ZNF34: variants seen among roughly 807,000 people sequenced by gnomAD.
ZNF34 encodes the protein zinc finger protein 34.
In ZNF34, 8 loss-of-function variants were observed where a neutral mutation model predicts 14.4. The observed-to-expected ratio is 0.55, with a 90% CI of 0.33 to 1.00. The LOEUF (loss-of-function observed/expected upper bound fraction) is 1.00. Among genes scored for constraint, ZNF34 ranks in the 50% least tolerant of loss-of-function variants. The pLI is 0.03. For missense variants in ZNF34, 538 were observed against 674.2 expected (o/e 0.80, Z 2.24); for synonymous variants, 235 against 247.9 (o/e 0.95, Z 0.49).
chr8:144,780,305 C>G (rs939147249), intron 1 of ZNF34, 25 bp from the exon 2 acceptor site: 2 of 1,529,204 alleles, frequency 1.3e-6, no homozygotes, highest in African/African-American at 2.8e-5. Flanking sequence ...CACAGAAAGG[C>G]TAAGTATTAG....
At chr8:144,775,096 A>G (rs1386235282) in intron 5 of ZNF34, among the ~76,000 whole-genome samples, 2 of 152,380 alleles carry the variant, frequency 1.3e-5, no homozygotes, top group Admixed American at 1.3e-4. Flanking sequence ...CACTCAGCCC[A>G]GTGCCCAGCA....
chr8:144,781,736 ATTG>A (rs1243749473), intron 1 of ZNF34, among the ~76,000 whole-genome samples: 1 of 152,200 alleles, frequency 6.6e-6, no homozygotes, highest in Non-Finnish European at 1.5e-5. Context: ...TTCTATCCAT[ATTG>A]TTGTTATATT....
intron 1 of ZNF34, among the ~76,000 whole-genome samples, chr8:144,781,327 G>T: frequency 6.7e-6 from 1 of 149,786 alleles, no homozygotes; most frequent in African/African-American, 2.5e-5. Context: ...AGAGTACAGT[G>T]GCGCGATCTT....
chr8:144,773,182 T>G lies in ZNF34; in HGVS notation c.*84A>C. On this transcript the variant is annotated 3_prime_UTR_variant, in exon 6 of 6. Coordinates refer to ENST00000429371, the MANE Select transcript of ZNF34 (RefSeq NM_001286769.2). This position sits in a 1 kb window ranked among gnomAD's most constrained non-coding sequence, Gnocchi z 5.4. ...TCACTCTGTGAAAACATCGTGTGGA[T>G]AATACATAAAGGGCAGAGTCAGGTG... 7.2e-7 allele frequency: 1 copy of G among 1,392,634 alleles called. No individual in the cohort carries two copies. Among genetic ancestry groups the G allele is most frequent in the Non-Finnish European group, 9.6e-7 (1 of 1,041,724 alleles). 86.3% of individuals were successfully genotyped at this position (1,392,634 alleles called of 1,614,324 possible). A position where few individuals can be genotyped will look rare whatever the true frequency, so the allele number is the denominator to read the frequency against.
In ZNF34 at chr8:144,780,239, A is replaced by T. The variant is rs371410019; in HGVS notation, c.-66T>A. 6.5e-7 allele frequency: 1 copy of T among 1,549,980 alleles called. No individual in the cohort carries two copies. Among genetic ancestry groups the T allele is most frequent in the African/African-American group, 1.4e-5 (1 of 73,012 alleles). ...TAAGATTGACTCACCTACCAGAAGC[A>T]TGAGACTCTCGGATTAGATACATGT... On this transcript the variant is annotated 5_prime_UTR_variant, in exon 2 of 6. An upstream start codon of the reference 5' UTR is lost. Transcript: ENST00000429371.
chr8:144,775,110 T>C (rs1307045532), intron 5 of ZNF34, among the ~76,000 whole-genome samples: 1 of 152,240 alleles, frequency 6.6e-6, no homozygotes, highest in Non-Finnish European at 1.5e-5. Context: ...CCCAGCACAG[T>C]GAGTTCCAGG....
At chr8:144,780,077 G>T in intron 2 of ZNF34, 151 bp downstream of exon 2, 1 of 549,662 alleles carries the variant, frequency 1.8e-6, no homozygotes. Flanking sequence ...CACACCTGTA[G>T]TCCCAGCTAC....
At chr8:144,780,907 C>T (rs918784623) in intron 1 of ZNF34, among the ~76,000 whole-genome samples, 7 of 151,030 alleles carry the variant, frequency 4.6e-5, no homozygotes, top group African/African-American at 9.7e-5. Context: ...GTGGCTGAGG[C>T]GGGTGGATGG....
In ZNF34 at chr8:144,779,775, A is replaced by G. The variant is rs1413899638; in HGVS notation, c.-55+453T>C. 1.2e-4 allele frequency among the ~76,000 whole-genome samples: 18 copies of G among 152,096 alleles called. No individual in the cohort carries two copies. The highest frequency in any genetic ancestry group is 4.4e-5 in the Non-Finnish European group (3 of 68,020). ...ACTGCCTGCTGCCCTCGGGCCGTCT[A>G]TCCCCCTCCCTGCTCTGGCATGCTA... On this transcript the variant is annotated intron_variant, in intron 2 of 5. Coordinates refer to ENST00000429371, the MANE Select transcript of ZNF34 (RefSeq NM_001286769.2). This position sits in a 1 kb window ranked among gnomAD's most constrained non-coding sequence, Gnocchi z 4.1.
In ZNF34 at chr8:144,778,211, C is replaced by T. The variant is rs866095936; in HGVS notation, c.34-47G>A. The T allele has an allele frequency of 7.0e-6, 11 of 1,581,582 alleles. No homozygotes were observed. In the Middle Eastern group the frequency reaches 6.8e-4, roughly 98 times the overall value. Reference sequence around the variant, plus strand: ...CAGCCCAGGTGTGGTCCAGAGTGGGCTGGTAGGGGCGGGGAGGCAGCAGAA... The same window carrying T: ...CAGCCCAGGTGTGGTCCAGAGTGGGTTGGTAGGGGCGGGGAGGCAGCAGAA... On this transcript the variant is annotated intron_variant, in intron 3 of 5. Coordinates refer to ENST00000429371, the MANE Select transcript of ZNF34 (RefSeq NM_001286769.2).
In ZNF34 at chr8:144,777,428, T is replaced by C. The variant is rs1825589255; in HGVS notation, c.280+30A>G. On this transcript the variant is annotated intron_variant, in intron 5 of 5. Coordinates refer to ENST00000429371, the MANE Select transcript of ZNF34 (RefSeq NM_001286769.2). This position sits in a 1 kb window ranked among gnomAD's most constrained non-coding sequence, Gnocchi z 4.8. ...CCCCAATAAAGGCTCGTTCGGTGAC[T>C]TGAGTTGGGGAGCAGATCCCCTCAC... 1 of 1,549,652 alleles carries C rather than the reference T, an allele frequency of 6.5e-7. No homozygotes were observed. Among genetic ancestry groups the C allele is most frequent in the Non-Finnish European group, 8.7e-7 (1 of 1,145,844 alleles).
In ZNF34 at chr8:144,777,619, G is replaced by C. The variant is rs752514676; in HGVS notation, c.161-42C>G. 7 of 1,546,978 alleles carry C rather than the reference G, an allele frequency of 4.5e-6. No homozygotes were observed. In the African/African-American group the frequency reaches 9.6e-5, roughly 21 times the overall value. On this transcript the variant is annotated intron_variant, in intron 4 of 5. Transcript: ENST00000429371. The surrounding 1 kb of genome is among the most constrained non-coding windows in gnomAD (Gnocchi z 4.8). ...GACTGGGGTTGGTACCAAGGACACA[G>C]GGCAGCACCTAGTGCTGTCTCACCC...
At chr8:144,784,959 C>T (rs1826130940) in intron 1 of ZNF34, among the ~76,000 whole-genome samples, 1 of 151,374 alleles carries the variant, frequency 6.6e-6, no homozygotes, top group African/African-American at 2.4e-5. Flanking sequence ...CCCAGCTCTA[C>T]AAAAATTAGC....
chr8:144,785,124 A>AG lies in ZNF34; in HGVS notation c.-108+2154_-108+2155insC, dbSNP rs1410367736. Among the ~76,000 whole-genome samples the AG allele has an allele frequency of 4.6e-5, 7 of 150,614 alleles. No individual in the cohort carries two copies. The South Asian group carries it at 8.3e-4, about 18-fold the overall frequency. ...ACCCTGCCAAAAAAAAAAAAAAAAA[A>AG]AAAAAGAAAAAGGATTCTGTACAAG... On this transcript the variant is annotated intron_variant, in intron 1 of 5. Transcript: ENST00000429371.
chr8:144,777,693 TG>T lies in ZNF34; in HGVS notation c.161-117del. ...ACAGGCAGAGGGGGTGATGGAAGCC[TG>T]GACACTCTCTGGAGGGCACTGAGAT... On this transcript the variant is annotated intron_variant, in intron 4 of 5. Transcript: ENST00000429371. The surrounding 1 kb of genome is among the most constrained non-coding windows in gnomAD (Gnocchi z 4.8). The T allele has an allele frequency of 7.7e-7, 1 of 1,290,840 alleles. No homozygotes were observed. Among genetic ancestry groups the T allele is most frequent in the Non-Finnish European group, 1.1e-6 (1 of 945,928 alleles). 80.0% of individuals were successfully genotyped at this position (1,290,840 alleles called of 1,614,324 possible). A position where few individuals can be genotyped will look rare whatever the true frequency, so the allele number is the denominator to read the frequency against.
rs569003814 is a variant in ZNF34 at position 144,780,119 on chromosome 8, C to T, written c.-55+109G>A. Reference sequence around the variant, plus strand: ...GGCTGAGGTGGGAGGATCACCTGGGCCCAGGAAGTAGAGGCTGCAGTGAGC... The same window carrying T: ...GGCTGAGGTGGGAGGATCACCTGGGTCCAGGAAGTAGAGGCTGCAGTGAGC... On this transcript the variant is annotated intron_variant, in intron 2 of 5. Coordinates refer to ENST00000429371, the MANE Select transcript of ZNF34 (RefSeq NM_001286769.2). 7.3e-5 allele frequency: 58 copies of T among 792,676 alleles called. No individual in the cohort carries two copies. The East Asian group carries it at 9.8e-4, about 13-fold the overall frequency. 49.1% of individuals were successfully genotyped at this position (792,676 alleles called of 1,614,324 possible).
chr8:144,772,530 A>C lies in ZNF34; in HGVS notation c.*736T>G, dbSNP rs763633822. Reference sequence around the variant, plus strand: ...CAACTCTATTGACATAAAAAGTATGAATGTTAAGTTTGTTTCATTTATTTT... The same window carrying C: ...CAACTCTATTGACATAAAAAGTATGCATGTTAAGTTTGTTTCATTTATTTT... On this transcript the variant is annotated 3_prime_UTR_variant, in exon 6 of 6. Transcript: ENST00000429371. Among the ~76,000 whole-genome samples, 4 of 152,160 alleles carry C rather than the reference A, an allele frequency of 2.6e-5. No homozygotes were observed. The highest frequency in any genetic ancestry group is 4.4e-5 in the Non-Finnish European group (3 of 68,018).
chr8:144,777,610 A>G lies in ZNF34; in HGVS notation c.161-33T>C. Reference sequence around the variant, plus strand: ...GGAGACAGGGACTGGGGTTGGTACCAAGGACACAGGGCAGCACCTAGTGCT... The same window carrying G: ...GGAGACAGGGACTGGGGTTGGTACCGAGGACACAGGGCAGCACCTAGTGCT... On this transcript the variant is annotated intron_variant, in intron 4 of 5. Coordinates refer to ENST00000429371, the MANE Select transcript of ZNF34 (RefSeq NM_001286769.2). The surrounding 1 kb of genome is among the most constrained non-coding windows in gnomAD (Gnocchi z 4.8). 2 of 1,549,534 alleles carry G rather than the reference A, an allele frequency of 1.3e-6. No individual in the cohort carries two copies. Among genetic ancestry groups the G allele is most frequent in the Non-Finnish European group, 1.7e-6 (2 of 1,146,428 alleles).
At chr8:144,780,426 C>T (rs535247329) in intron 1 of ZNF34, 146 bp from the exon 2 acceptor site, 1 of 622,088 alleles carries the variant, frequency 1.6e-6, no homozygotes, top group Admixed American at 2.9e-5. Context: ...GTTGACAAAT[C>T]CTGAGTACAC....
Sources: gnomAD v4.1 joint callset for allele counts (sites outside exome capture counted in the v4.1 genomes callset) on GRCh38, gnomAD v4.1.1 for gene constraint, Gnocchi (gnomAD v3.1) non-coding constraint, MANE v1.5 for transcripts, NCBI Gene and HGNC (gene_info 2026-07-23, HGNC 2026-07-21) for gene names.